The following PCTP variants were observed in gnomAD, a reference collection of about 807,000 sequenced individuals.
PCTP encodes the protein START domain-containing protein 2.
Under a neutral mutation model 31.0 loss-of-function variants are expected in PCTP, and 27 were observed. The observed-to-expected ratio is 0.87, with a 90% CI of 0.64 to 1.20. The LOEUF (loss-of-function observed/expected upper bound fraction) is 1.20. PCTP is among the 50% of genes most tolerant of loss of function. The pLI is 0.00. For missense variants in PCTP, 287 were observed against 268.2 expected, an observed-to-expected ratio of 1.07 and a Z score of -0.49; for synonymous variants, 108 against 101.2, an observed-to-expected ratio of 1.07 and a Z score of -0.40.
At chr17:55,802,942 T>C (rs1598007359) in intron 3 of PCTP, among the ~76,000 whole-genome samples, 1 of 152,188 alleles carries the variant, frequency 6.6e-6, no homozygotes, top group African/African-American at 2.4e-5. Flanking sequence ...GATAGCATGA[T>C]TGTATATTAA....
intron 3 of PCTP, among the ~76,000 whole-genome samples, chr17:55,812,741 T>C (rs1049222053): frequency 7.2e-5 from 11 of 152,208 alleles, no homozygotes; most frequent in African/African-American, 2.4e-4. Context: ...AGCCAGGATG[T>C]CCAGGCTAAA....
In PCTP at chr17:55,767,460, A is replaced by T. The variant is rs747992317; in HGVS notation, c.259+8A>T. ...GGGACCAGTATGTTAAAGGTGAGTG[A>T]TGCTTGCTTTTCTTTTTTTTTTAGA... On this transcript the variant is annotated splice_region_variant and intron_variant, in intron 2 of 5. Transcript: ENST00000268896. 1 of 1,488,848 alleles carries T rather than the reference A, an allele frequency of 6.7e-7. No homozygotes were observed. The highest frequency in any genetic ancestry group is 1.2e-5 in the South Asian group (1 of 85,664). The allele number at this position is 1,488,848 out of a possible 1,614,324, so 92.2% of individuals were successfully genotyped here. A position where few individuals can be genotyped will look rare whatever the true frequency, so the allele number is the denominator to read the frequency against.
At chr17:55,832,054 G>A (rs150985073) in intron 5 of PCTP, among the ~76,000 whole-genome samples, 4 of 152,216 alleles carry the variant, frequency 2.6e-5, no homozygotes, top group African/African-American at 4.8e-5. Context: ...CAGCCTGGGC[G>A]ACAGAACGAG....
chr17:55,834,140 C>T (rs972011424), intron 5 of PCTP, among the ~76,000 whole-genome samples: 12 of 152,120 alleles, frequency 7.9e-5, no homozygotes, highest in African/African-American at 2.9e-4. Context: ...CTACTTTCCT[C>T]TTGTATCTAC....
chr17:55,841,577 C>T (rs146952621), intron 5 of PCTP, among the ~76,000 whole-genome samples: 24 of 152,188 alleles, frequency 1.6e-4, no homozygotes, highest in African/African-American at 4.8e-4. Flanking sequence ...TTTAATGCCA[C>T]GGTCTGTGGT....
chr17:55,842,795 T>C (rs1312203158), exon 6 of PCTP: 2 of 152,258 alleles, frequency 1.3e-5, no homozygotes, highest in South Asian at 2.1e-4. Context: ...TGGAATTTCA[T>C]AGAGGCAGCG....
At chr17:55,768,808 G>A (rs938763197) in intron 2 of PCTP, 1 of 152,158 alleles carries the variant, frequency 6.6e-6, no homozygotes, top group Non-Finnish European at 1.5e-5. Context: ...ACATCACACA[G>A]GGACTTCTCC....
chr17:55,776,623 A>G lies in PCTP; in HGVS notation c.*523A>G, dbSNP rs796068019. The G allele has an allele frequency of 8.1e-7, 1 of 1,230,620 alleles. No homozygotes were observed. Among genetic ancestry groups the G allele is most frequent in the Non-Finnish European group, 1.0e-6 (1 of 987,878 alleles). The allele number at this position is 1,230,620 out of a possible 1,614,324, so 76.2% of individuals were successfully genotyped here. On this transcript the variant is annotated 3_prime_UTR_variant, in exon 6 of 6. Coordinates refer to ENST00000268896, the MANE Select transcript of PCTP (RefSeq NM_021213.4). ...GTGCACCCAAACTGGATGACGTGCC[A>G]ATGTCCATTTGCCTTATGCTTTGTG...
downstream of PCTP, among the ~76,000 whole-genome samples, chr17:55,824,152 C>A (rs554662834): frequency 5.3e-5 from 8 of 151,944 alleles, no homozygotes; most frequent in East Asian, 1.9e-4. Context: ...TTAATCCAAC[C>A]AATCAACTTG....
intron 1 of PCTP, among the ~76,000 whole-genome samples, chr17:55,751,655 G>A (rs1909723729): frequency 6.6e-6 from 1 of 152,060 alleles, no homozygotes; most frequent in Non-Finnish European, 1.5e-5. Flanking sequence ...GGATATAGGA[G>A]GAAAAGAAAC....
At chr17:55,772,848 T>C (rs2144964368) in intron 3 of PCTP, among the ~76,000 whole-genome samples, 1 of 152,298 alleles carries the variant, frequency 6.6e-6, no homozygotes, top group South Asian at 2.1e-4. Flanking sequence ...ATGTGGGATT[T>C]TTGGCAAGGT....
At chr17:55,818,947 G>A (rs1362063957) in intron 3 of PCTP, among the ~76,000 whole-genome samples, 1 of 145,486 alleles carries the variant, frequency 6.9e-6, no homozygotes, top group African/African-American at 2.5e-5. Flanking sequence ...TGAATGCATG[G>A]CAGCCTGTGG....
Position 55,807,042 on chromosome 17 carries a change from A to T in PCTP, c.318-15719A>T, listed in dbSNP as rs546504429. 1.2e-3 allele frequency among the ~76,000 whole-genome samples: 176 copies of T among 152,306 alleles called. 2 individuals are homozygous for T. In the South Asian group the frequency reaches 0.016, roughly 13 times the overall value. ...GTATAGAAAAACAAAGTAAATCAGA[A>T]CATGTGAAGAATGAGGGAGACAGTG... On this transcript the variant is annotated intron_variant, in intron 3 of 3. Coordinates refer to the PCTP transcript ENST00000572536.
intron 5 of PCTP, among the ~76,000 whole-genome samples, chr17:55,839,120 G>A (rs1166377040): frequency 6.6e-6 from 1 of 152,170 alleles, no homozygotes; most frequent in Non-Finnish European, 1.5e-5. Context: ...ATTATCATAT[G>A]TCATTTTAAT....
At chr17:55,803,509 G>A (rs1263877980) in intron 3 of PCTP, among the ~76,000 whole-genome samples, 1 of 152,232 alleles carries the variant, frequency 6.6e-6, no homozygotes, top group East Asian at 1.9e-4. Flanking sequence ...TACCAAAACA[G>A]ATATTTAGAC....
intron 3 of PCTP, among the ~76,000 whole-genome samples, chr17:55,810,424 C>A (rs1346144533): frequency 6.6e-6 from 1 of 152,188 alleles, no homozygotes; most frequent in Non-Finnish European, 1.5e-5. Context: ...ATCCACCTAC[C>A]TATAAAATCT....
At chr17:55,849,486 G>A in the PCTP span, among the ~76,000 whole-genome samples, 4 of 152,258 alleles carry the variant, frequency 2.6e-5, no homozygotes, top group Non-Finnish European at 4.4e-5. Flanking sequence ...GGCTGGGGGT[G>A]GTGGCGGGCA....
At chr17:55,759,066 G>GACAT (rs912067802) in intron 1 of PCTP, among the ~76,000 whole-genome samples, 9 of 152,274 alleles carry the variant, frequency 5.9e-5, no homozygotes, top group African/African-American at 2.2e-4. Flanking sequence ...TGAATGCTTG[G>GACAT]ACATAATACC....
rs994721437 is a variant in PCTP at position 55,767,404 on chromosome 17, A to G, written c.211A>G (p.Ile71Val). ...EDCSPTLLADIYMDSDYRKQW... is the reference protein window; with the variant it reads ...EDCSPTLLADVYMDSDYRKQW... ...CTGCTCACCAACTCTACTGGCAGAC[A>G]TCTATATGGACTCAGATTACAGAAA... Residue 71 changes from isoleucine to valine, a missense_variant, in exon 2 of 6, where the codon ATC becomes GTC. Transcript: ENST00000268896. The G allele has an allele frequency of 1.7e-5, 27 of 1,613,238 alleles. No individual in the cohort carries two copies. The highest frequency in any genetic ancestry group is 2.3e-5 in the Non-Finnish European group (27 of 1,179,360).
Sources: gnomAD v4.1 joint callset for allele counts (sites outside exome capture counted in the v4.1 genomes callset) on GRCh38, gnomAD v4.1.1 for gene constraint, MANE v1.5 for transcripts, NCBI Gene and HGNC (gene_info 2026-07-23, HGNC 2026-07-21) for gene names.